The following AP5Z1 variants were observed in gnomAD, a reference collection of about 807,000 sequenced individuals.
AP5Z1 encodes AP-5 complex subunit zeta-1.
In AP5Z1, 106 loss-of-function variants were observed where a neutral mutation model predicts 83.0. That is an observed-to-expected ratio of 1.28 (90% CI 1.09 to 1.50). The LOEUF (loss-of-function observed/expected upper bound fraction) is 1.50, where lower values mean the gene tolerates loss of function less well. AP5Z1 is among the 40% of genes most tolerant of loss of function. The probability of loss-of-function intolerance (pLI) is 0.00; values close to 1 mark genes in which losing one functional copy is unlikely to be tolerated. For synonymous variants in AP5Z1, 751 were observed against 514.1 expected (o/e 1.46, Z -6.23); for missense variants, 1,565 against 1,094.2 (o/e 1.43, Z -6.07).
Position 4,787,790 on chromosome 7 carries a change from C to G in AP5Z1, c.1454+14C>G, listed in dbSNP as rs1376013530. On this transcript the variant is annotated intron_variant, in intron 11 of 16. Coordinates refer to ENST00000649063, the MANE Select transcript of AP5Z1 (RefSeq NM_014855.3). ...CCTGCAGCTCAGGTGGGCCCCTCAC[C>G]CTCTGCCAGCGCTGCGTCTCCCAGC... The G allele has an allele frequency of 6.6e-7, 1 of 1,520,806 alleles. No homozygotes were observed. The highest frequency in any genetic ancestry group is 2.5e-5 in the East Asian group (1 of 40,602). 94.2% of individuals were successfully genotyped at this position (1,520,806 alleles called of 1,614,324 possible).
chr7:4,785,143 C>T (rs1781500216), intron 7 of AP5Z1, 95 bp downstream of exon 7: 6 of 1,502,388 alleles, frequency 4.0e-6, no homozygotes, highest in Non-Finnish European at 4.5e-6. Context: ...TGAGCTACTG[C>T]TCCACAGAGG....
rs778461542 is a variant in AP5Z1, at chr7:4,785,610, T to G, written c.1058T>G (p.Leu353Arg). 3 of 1,589,874 alleles carry G rather than the reference T, an allele frequency of 1.9e-6. No individual in the cohort carries two copies. Among genetic ancestry groups the G allele is most frequent in the Admixed American group, 1.8e-5 (1 of 56,962 alleles). The change falls in exon 9 of 17, where the codon CTG (leucine) becomes CGG (arginine). Residue 353 changes from leucine (L) to arginine (R), a missense_variant. By Grantham distance (102) the Leu-to-Arg change is moderately radical (BLOSUM62 -2). Transcript: ENST00000649063. ...LYRSLSCLKA[L>R]HGRVRGDPAS... ...CGAAGTCTCTCCTGCCTGAAGGCCC[T>G]GCACGGGCGGGTGCGCGGGGACCCG... is the stretch of plus-strand genomic sequence containing the variant.
In AP5Z1 at chr7:4,789,843, G is replaced by A. The variant is rs1257335159; in HGVS notation, c.1719G>A (p.Gly573=). Residue 573 remains glycine (G), a synonymous_variant, in exon 14 of 17, where the codon GGG becomes GGA. Transcript: ENST00000649063. ...CTCCTGACCCCCAGGTGGCTGACGG[G>A]TCCCTGATCAACCAGCTGGCGCTGC... ...FFSAVTQVAD[G]SLINQLALLL... is the part of the protein sequence containing the mutation. 16 of 1,552,216 alleles carry A rather than the reference G, an allele frequency of 1.0e-5. No homozygotes were observed. The highest frequency in any genetic ancestry group is 1.2e-5 in the Non-Finnish European group (14 of 1,148,052).
rs528323750 is a variant in AP5Z1 at position 4,786,639 on chromosome 7, G to T, written c.1311+211G>T. On this transcript the variant is annotated intron_variant, in intron 10 of 16. Transcript: ENST00000649063. ...CGGTGCTGTCCAAGAACTCCCTTGTGGGTGTTTTGGAGAGGGGGCTGTGAC... is the reference window on the plus strand; with the variant it reads ...CGGTGCTGTCCAAGAACTCCCTTGTTGGTGTTTTGGAGAGGGGGCTGTGAC... 5.3e-5 allele frequency among the ~76,000 whole-genome samples: 8 copies of T among 152,310 alleles called. No homozygotes were observed. The East Asian group carries it at 1.5e-3, about 29-fold the overall frequency.
chr7:4,785,228 A>C (rs888065923), intron 7 of AP5Z1, among the ~76,000 whole-genome samples, 180 bp downstream of exon 7: 1 of 151,590 alleles, frequency 6.6e-6, no homozygotes, highest in African/African-American at 2.4e-5. Context: ...TTCAGGCTCC[A>C]CCCCAGCCCC....
Position 4,781,523 on chromosome 7 carries a change from C to T in AP5Z1, c.180-45C>T, listed in dbSNP as rs189906545. 902 of 1,584,176 alleles carry T rather than the reference C, an allele frequency of 5.7e-4. 11 individuals are homozygous for T. The East Asian group carries it at 0.017, about 31-fold the overall frequency. On this transcript the variant is annotated intron_variant, in intron 2 of 16. Coordinates refer to ENST00000649063, the MANE Select transcript of AP5Z1 (RefSeq NM_014855.3). ...TCTGGGGCACCGGGTGCTCCTGCCA[C>T]GGTCGTGACGTGTTACCGCCCACCA...
intron 13 of AP5Z1, 42 bp downstream of exon 13, chr7:4,788,993 C>A (rs1040008136): frequency 4.5e-6 from 7 of 1,557,098 alleles, no homozygotes; most frequent in Non-Finnish European, 6.1e-6. Flanking sequence ...ACAGGCCTCA[C>A]AACTGAGGGG....
intron 1 of AP5Z1, among the ~76,000 whole-genome samples, chr7:4,777,441 A>G (rs1376679180): frequency 1.3e-5 from 2 of 152,014 alleles, no homozygotes; most frequent in African/African-American, 2.4e-5. Flanking sequence ...AGGCTGGAGT[A>G]CAATGGCGCA....
chr7:4,790,668 C>T lies in AP5Z1; in HGVS notation c.1939-5C>T, dbSNP rs1409610856. On this transcript the variant is annotated splice_region_variant and splice_polypyrimidine_tract_variant and intron_variant, in intron 15 of 16. Transcript: ENST00000649063. ...TGGGGGCTGAATCTCTGTCCCCGGG[C>T]CTAGGTGTGGGCCATCGGCGAGTAC... 2.5e-6 allele frequency: 4 copies of T among 1,612,058 alleles called. No individual in the cohort carries two copies. The African/African-American group carries it at 4.0e-5, about 16-fold the overall frequency.
Position 4,787,766 on chromosome 7 carries a change from C to G in AP5Z1, c.1444C>G (p.Leu482Val), listed in dbSNP as rs939964469. ...GCCCTGCTTGACGGCGGTGCTGGAC[C>G]TGCAGCTCAGGTGGGCCCCTCACCC... Reference protein sequence around the residue: ...DLPCLTAVLDLQLRSAPAASE... With the variant: ...DLPCLTAVLDVQLRSAPAASE... The change falls in exon 11 of 17, where the codon CTG (leucine) becomes GTG (valine). Residue 482 changes from leucine to valine, a missense_variant. Physicochemically the swap from Leu to Val is conservative, Grantham distance 32. Coordinates refer to ENST00000649063, the MANE Select transcript of AP5Z1 (RefSeq NM_014855.3). 2 of 1,537,172 alleles carry G rather than the reference C, an allele frequency of 1.3e-6. No individual in the cohort carries two copies. The highest frequency in any genetic ancestry group is 2.4e-5 in the East Asian group (1 of 40,972).
Position 4,791,317 on chromosome 7 carries a change from G to GCCCTGC in AP5Z1, c.2362_2367dup (p.Pro788_Leu789dup). On this transcript the variant is annotated inframe_insertion, in exon 17 of 17. Coordinates refer to ENST00000649063, the MANE Select transcript of AP5Z1 (RefSeq NM_014855.3). The stretch of plus-strand genomic sequence containing the variant: ...CCGCTATCACCGCGATGCCAACACG[G>GCCCTGC]CCCTGCCCCTGGCCCTGCGCACGGT... The GCCCTGC allele has an allele frequency of 6.2e-7, 1 of 1,610,756 alleles. No homozygotes were observed. The highest frequency in any genetic ancestry group is 8.5e-7 in the Non-Finnish European group (1 of 1,178,502).
At chr7:4,782,570 C>G (rs565785128) in intron 3 of AP5Z1, among the ~76,000 whole-genome samples, 1 of 151,994 alleles carries the variant, frequency 6.6e-6, no homozygotes, top group Non-Finnish European at 1.5e-5. Flanking sequence ...TCTGTGTGGG[C>G]GAGAGCTTGT....
In AP5Z1 at chr7:4,791,356, G is replaced by T. The variant is rs753414251; in HGVS notation, c.2395G>T (p.Glu799Ter). Residue 799 changes from glutamate to a stop codon, truncating the protein, a stop_gained, in exon 17 of 17, where the codon GAG (glutamate) becomes TAG (stop). Transcript: ENST00000649063. LOFTEE classifies it high-confidence loss of function. ...LALRTVSRLV[E>*]REAGLMPG ...CCTGCGCACGGTCAGCCGGCTGGTGGAGAGGGAGGCCGGCCTCATGCCAGG... is the reference window on the plus strand; with the variant it reads ...CCTGCGCACGGTCAGCCGGCTGGTGTAGAGGGAGGCCGGCCTCATGCCAGG... The T allele has an allele frequency of 6.2e-7, 1 of 1,608,578 alleles. No individual in the cohort carries two copies. The highest frequency in any genetic ancestry group is 2.2e-5 in the East Asian group (1 of 44,680).
chr7:4,783,093 C>A (rs536802214), intron 3 of AP5Z1, among the ~76,000 whole-genome samples: 2 of 152,348 alleles, frequency 1.3e-5, no homozygotes, highest in Non-Finnish European at 2.9e-5. Context: ...CTCACCCAGG[C>A]CCCCTCCAGC....
chr7:4,789,679 C>T (rs977652565), intron 13 of AP5Z1, among the ~76,000 whole-genome samples, 153 bp from the exon 14 acceptor site: 8 of 152,190 alleles, frequency 5.3e-5, no homozygotes, highest in African/African-American at 1.9e-4. Context: ...ATGCTGCCAG[C>T]TGAGTCTCTG....
rs2115134724 is a variant in AP5Z1 at position 4,792,446 on chromosome 7, C to T, written c.*1061C>T. On this transcript the variant is annotated 3_prime_UTR_variant, in exon 17 of 17. Transcript: ENST00000649063. ...ACAGGCTGAAGGCGACTGCAGGGTC[C>T]TGCCCCTTGCCCAGCCTCAGGACTA... The T allele has an allele frequency of 6.6e-6, 1 of 152,430 alleles. No homozygotes were observed. The highest frequency in any genetic ancestry group is 1.9e-4 in the East Asian group (1 of 5,174). 9.4% of individuals were successfully genotyped at this position (152,430 alleles called of 1,614,324 possible). A position where few individuals can be genotyped will look rare whatever the true frequency, so the allele number is the denominator to read the frequency against.
intron 1 of AP5Z1, among the ~76,000 whole-genome samples, chr7:4,777,834 C>G (rs940050887): frequency 5.9e-5 from 9 of 152,200 alleles, no homozygotes; most frequent in Non-Finnish European, 1.0e-4. Flanking sequence ...GAAGGTTAAT[C>G]TATTAGGGCT....
At chr7:4,790,270 G>C (rs747557837) in intron 14 of AP5Z1, 189 bp from the exon 15 acceptor site, 1 of 1,543,098 alleles carries the variant, frequency 6.5e-7, no homozygotes. Flanking sequence ...TGAGGCCAGC[G>C]CTGGTGCCAG....
rs751910849 is a variant in AP5Z1 at position 4,786,439 on chromosome 7, G to A, written c.1311+11G>A. ...CCCAACCTCTTTAAGGTATATTTGG[G>A]CATCCCTGGGTGCCAGGGCAGGGGC... On this transcript the variant is annotated intron_variant, in intron 10 of 16. Coordinates refer to ENST00000649063, the MANE Select transcript of AP5Z1 (RefSeq NM_014855.3). 21 of 1,613,056 alleles carry A rather than the reference G, an allele frequency of 1.3e-5. No individual in the cohort carries two copies. In the East Asian group the frequency reaches 4.2e-4, roughly 33 times the overall value.
Sources: allele counts gnomAD v4.1 joint callset (sites outside exome capture counted in the v4.1 genomes callset), GRCh38; gene constraint gnomAD v4.1.1; transcripts MANE v1.5; gene names NCBI Gene and HGNC (gene_info 2026-07-23, HGNC 2026-07-21).